XPO7: variants seen among roughly 807,000 people sequenced by gnomAD.
XPO7 encodes the protein exportin-7.
A neutral mutation model predicts 144.3 loss-of-function variants in XPO7; 21 were observed. The observed-to-expected ratio is 0.15, with a 90% confidence interval of 0.10 to 0.21. The LOEUF (loss-of-function observed/expected upper bound fraction) is 0.21, where lower values mean the gene tolerates loss of function less well. XPO7 is among the 10% of genes least tolerant of loss of function. The pLI is 1.00. For missense variants in XPO7, 808 were observed against 1,325.8 expected, an observed-to-expected ratio of 0.61 and a Z score of 6.06; for synonymous variants, 580 against 499.6, an observed-to-expected ratio of 1.16 and a Z score of -2.15.
chr8:21,943,958 A>G (rs73672331), intron 1 of XPO7, among the ~76,000 whole-genome samples: 1 of 152,250 alleles, frequency 6.6e-6, no homozygotes, highest in Non-Finnish European at 1.5e-5. Context: ...GAGAAAAGGG[A>G]AATGTTATAG....
Position 21,998,866 on chromosome 8 carries a change from G to T in XPO7, c.2428+29G>T, listed in dbSNP as rs184407842. ...AGTGCTTCAGATAATCATGCCTCTA[G>T]AAGTTAATTCCAGCTCAGTCACCAC... On this transcript the variant is annotated intron_variant, in intron 22 of 27. Coordinates refer to ENST00000252512, the MANE Select transcript of XPO7 (RefSeq NM_015024.5). The T allele has an allele frequency of 8.1e-4, 1,303 of 1,610,674 alleles. 11 individuals are homozygous for T. The African/African-American group carries it at 0.016, about 19-fold the overall frequency.
At chr8:21,922,724 G>A (rs1379888904) in intron 1 of XPO7, among the ~76,000 whole-genome samples, 2 of 152,054 alleles carry the variant, frequency 1.3e-5, no homozygotes, top group African/African-American at 4.8e-5. Flanking sequence ...TTTATATATC[G>A]AATATGCTAT....
At chr8:21,990,273 G>C in intron 16 of XPO7, 71 bp from the exon 17 acceptor site, 6 of 1,496,622 alleles carry the variant, frequency 4.0e-6, no homozygotes, top group Non-Finnish European at 5.6e-6. Context: ...CCTTTATTCT[G>C]GAAAGTTTCC....
intron 1 of XPO7, among the ~76,000 whole-genome samples, chr8:21,920,406 C>G (rs1810238128): frequency 6.6e-6 from 1 of 152,058 alleles, no homozygotes; most frequent in African/African-American, 2.4e-5. Flanking sequence ...AATGGGTGCT[C>G]AGGCCTCGGC....
At chr8:22,003,437 G>T (rs913098344) in intron 26 of XPO7, 120 bp downstream of exon 26, 6 of 717,700 alleles carry the variant, frequency 8.4e-6, no homozygotes, top group Non-Finnish European at 1.4e-5. Context: ...AGGGAAAATG[G>T]GTCATTTACT....
At chr8:21,981,115 G>A (rs545634786) in intron 9 of XPO7, among the ~76,000 whole-genome samples, 1 of 152,122 alleles carries the variant, frequency 6.6e-6, no homozygotes, top group Non-Finnish European at 1.5e-5. Flanking sequence ...ACAAAACAAA[G>A]TCTTAGCCCA....
At chr8:21,998,272 T>G (rs2117399081) in intron 21 of XPO7, among the ~76,000 whole-genome samples, 1 of 152,206 alleles carries the variant, frequency 6.6e-6, no homozygotes, top group East Asian at 1.9e-4. Flanking sequence ...AAATCCCATC[T>G]CCACTAAAAA....
intron 13 of XPO7, 58 bp downstream of exon 13, chr8:21,985,749 G>T: frequency 1.4e-6 from 2 of 1,444,392 alleles, no homozygotes; most frequent in Middle Eastern, 2.4e-4. Context: ...TCCACTCCCC[G>T]ATAGGGTCCT....
In XPO7 at chr8:21,930,270, C is replaced by G. The variant is rs544621079; in HGVS notation, c.18+10482C>G. 5.3e-5 allele frequency among the ~76,000 whole-genome samples: 8 copies of G among 152,252 alleles called. No individual in the cohort carries two copies. In the South Asian group the frequency reaches 1.7e-3, roughly 32 times the overall value. On this transcript the variant is annotated intron_variant, in intron 1 of 27. Coordinates refer to ENST00000252512, the MANE Select transcript of XPO7 (RefSeq NM_015024.5). ...TGAGATACACACATCAGTAAACATT[C>G]CCTCATTTGGCTGGTATTGTTTGAT...
At chr8:21,990,599 ATG>A (rs1409772501) in intron 17 of XPO7, 192 bp downstream of exon 17, 1 of 736,568 alleles carries the variant, frequency 1.4e-6, no homozygotes, top group Non-Finnish European at 2.2e-6. Context: ...GATGTGAGTT[ATG>A]GTGAAGTCAC....
intron 12 of XPO7, 82 bp from the exon 13 acceptor site, chr8:21,985,504 T>TTA (rs1812548827): frequency 1.5e-6 from 2 of 1,295,066 alleles, no homozygotes; most frequent in Admixed American, 1.7e-5. Context: ...CACAGTGTTC[T>TTA]TAAGATTAAG....
intron 1 of XPO7, among the ~76,000 whole-genome samples, chr8:21,924,262 T>C (rs1810385692): frequency 6.6e-6 from 1 of 152,208 alleles, no homozygotes; most frequent in South Asian, 2.1e-4. Flanking sequence ...CCCATCTTTG[T>C]TATTTTTTTC....
At chr8:21,926,437 T>C (rs1254976732) in intron 1 of XPO7, among the ~76,000 whole-genome samples, 1 of 152,208 alleles carries the variant, frequency 6.6e-6, no homozygotes, top group East Asian at 1.9e-4. Flanking sequence ...GGGGTGTATT[T>C]AAGGCTAGAA....
intron 20 of XPO7, 60 bp downstream of exon 20, chr8:21,994,511 G>T: frequency 6.7e-7 from 1 of 1,490,660 alleles, no homozygotes; most frequent in Non-Finnish European, 9.2e-7. Flanking sequence ...GTGATTGGGT[G>T]ATAGGGTCCA....
chr8:21,923,954 CATT>C (rs2117233952), intron 1 of XPO7, among the ~76,000 whole-genome samples: 1 of 152,266 alleles, frequency 6.6e-6, no homozygotes, highest in East Asian at 1.9e-4. Context: ...AAACACCTAA[CATT>C]ATCTCACATT....
At chr8:21,995,067 T>TAAC (rs1812901125) in intron 20 of XPO7, among the ~76,000 whole-genome samples, 2 of 97,080 alleles carry the variant, frequency 2.1e-5, no homozygotes, top group Non-Finnish European at 3.8e-5. Context: ...AAAAAATAAA[T>TAAC]AATAATAATA....
chr8:21,997,181 T>C (rs1314760172), intron 21 of XPO7, among the ~76,000 whole-genome samples: 3 of 152,208 alleles, frequency 2.0e-5, no homozygotes, highest in Admixed American at 1.3e-4. Context: ...AGGAGACTTA[T>C]ATTCAAGAGT....
At chr8:21,999,728 C>T (rs1477773060) in intron 24 of XPO7, 54 bp downstream of exon 24, 5 of 1,601,882 alleles carry the variant, frequency 3.1e-6, no homozygotes, top group Non-Finnish European at 4.3e-6. Context: ...TACCACTTAA[C>T]TAAACAGAAA....
At chr8:21,947,296 C>G (rs1296393985) in intron 1 of XPO7, among the ~76,000 whole-genome samples, 1 of 151,726 alleles carries the variant, frequency 6.6e-6, no homozygotes, top group Non-Finnish European at 1.5e-5. Context: ...TAATTTTGGA[C>G]TTTTTTTTAG....
Sources: gnomAD v4.1 joint callset for allele counts (sites outside exome capture counted in the v4.1 genomes callset) on GRCh38, gnomAD v4.1.1 for gene constraint, MANE v1.5 for transcripts, NCBI Gene and HGNC (gene_info 2026-07-23, HGNC 2026-07-21) for gene names.